COL11A1: variants seen among roughly 807,000 people sequenced by gnomAD.
COL11A1 encodes collagen alpha-1(XI) chain.
COL11A1 carries 74 observed loss-of-function variants against 265.2 expected under a neutral mutation model. The ratio of observed to expected loss-of-function variants is 0.28; its 90% CI spans 0.23 to 0.34. The LOEUF (loss-of-function observed/expected upper bound fraction) is 0.34. Among genes scored for constraint, COL11A1 ranks in the 10% least tolerant of loss-of-function variants. The pLI, the probability that COL11A1 is intolerant of heterozygous loss-of-function variation, is 1.00. For missense variants in COL11A1, 2,165 were observed against 2,263.6 expected (o/e 0.96, Z 0.88); for synonymous variants, 816 against 727.6 (o/e 1.12, Z -1.96).
intron 1 of COL11A1, among the ~76,000 whole-genome samples, chr1:103,099,162 A>G (rs116386764): frequency 2.4e-3 from 367 of 151,876 alleles, no homozygotes; most frequent in African/African-American, 8.6e-3. Flanking sequence ...AATCAGATAA[A>G]CATACCTATA....
intron 39 of COL11A1, 75 bp downstream of exon 39, chr1:102,962,578 G>A: frequency 7.9e-7 from 1 of 1,257,884 alleles, no homozygotes. Flanking sequence ...AATGGAATCT[G>A]TAGACAAGGG....
chr1:102,969,827 C>A (rs917908581), intron 37 of COL11A1, among the ~76,000 whole-genome samples: 2 of 152,036 alleles, frequency 1.3e-5, no homozygotes, highest in African/African-American at 2.4e-5. Context: ...ATGATCATGG[C>A]TATTCGTAAT....
intron 20 of COL11A1, 127 bp from the exon 21 acceptor site, chr1:103,003,395 A>G: frequency 1.0e-6 from 1 of 988,754 alleles, no homozygotes; most frequent in Non-Finnish European, 1.5e-6. Flanking sequence ...TTATTAACAC[A>G]CTGAAAGTGA....
intron 4 of COL11A1, among the ~76,000 whole-genome samples, chr1:103,062,716 T>C (rs987899452): frequency 8.5e-5 from 13 of 152,132 alleles, no homozygotes; most frequent in African/African-American, 3.1e-4. Context: ...TCTGTTAATA[T>C]TGCATTTCTA....
chr1:103,048,990 A>C (rs1275569649), intron 4 of COL11A1, among the ~76,000 whole-genome samples: 1 of 152,080 alleles, frequency 6.6e-6, no homozygotes, highest in Non-Finnish European at 1.5e-5. Flanking sequence ...CTGTTCTTTT[A>C]CATTTGCTGA....
chr1:103,008,928 C>T (rs1326074262), intron 14 of COL11A1, among the ~76,000 whole-genome samples: 1 of 152,120 alleles, frequency 6.6e-6, no homozygotes, highest in Non-Finnish European at 1.5e-5. Context: ...AAGGACTTGA[C>T]AAAATGTTAC....
At chr1:102,978,572 A>C in intron 35 of COL11A1, 136 bp downstream of exon 35, 1 of 915,588 alleles carries the variant, frequency 1.1e-6, no homozygotes, top group Non-Finnish European at 1.7e-6. Flanking sequence ...TTAAAAAATA[A>C]GCGTTTTTAA....
At chr1:103,050,409 T>C (rs969010259) in intron 4 of COL11A1, among the ~76,000 whole-genome samples, 3 of 152,266 alleles carry the variant, frequency 2.0e-5, no homozygotes, top group Non-Finnish European at 2.9e-5. Flanking sequence ...CTGAGGATTC[T>C]GCATTCATCA....
At chr1:103,003,093 A>G (rs1048555268) in intron 21 of COL11A1, 122 bp downstream of exon 21, 1 of 976,058 alleles carries the variant, frequency 1.0e-6, no homozygotes, top group Non-Finnish European at 1.6e-6. Flanking sequence ...GGCAGCAACA[A>G]TAGATCTTCA....
chr1:102,957,378 G>T (rs1232848620), intron 41 of COL11A1, among the ~76,000 whole-genome samples: 1 of 151,998 alleles, frequency 6.6e-6, no homozygotes, highest in Non-Finnish European at 1.5e-5. Flanking sequence ...GAGCAATAAG[G>T]TTAGCTGATT....
chr1:103,030,716 C>T (rs1298274116), intron 5 of COL11A1, among the ~76,000 whole-genome samples: 1 of 152,064 alleles, frequency 6.6e-6, no homozygotes, highest in Non-Finnish European at 1.5e-5. Context: ...ATGTCACTTT[C>T]TCATTTGTAT....
chr1:102,923,062 A>G (rs887790898), intron 47 of COL11A1, among the ~76,000 whole-genome samples: 1 of 152,248 alleles, frequency 6.6e-6, no homozygotes, highest in Non-Finnish European at 1.5e-5. Flanking sequence ...TAATTAAGAC[A>G]GAATTATTAA....
rs191381227 is a variant in COL11A1, at chr1:103,082,709, C to T, written c.274+96G>A. On this transcript the variant is annotated intron_variant, in intron 2 of 66. Transcript: ENST00000370096. ...CACATTATCTAACCTGATAAAAATA[C>T]TAATTAGTAAAGAAATACTAAAAGT... is the stretch of plus-strand genomic sequence containing the variant. 63 of 1,073,340 alleles carry T rather than the reference C, an allele frequency of 5.9e-5. No individual in the cohort carries two copies. The East Asian group carries it at 1.5e-3, about 26-fold the overall frequency. The allele number at this position is 1,073,340 out of a possible 1,614,324, so 66.5% of individuals were successfully genotyped here.
intron 7 of COL11A1, among the ~76,000 whole-genome samples, chr1:103,024,351 T>C (rs1180088136): frequency 6.6e-6 from 1 of 152,184 alleles, no homozygotes; most frequent in Non-Finnish European, 1.5e-5. Context: ...AGGCTTATCT[T>C]GCCAATTTGT....
At chr1:102,907,500 C>G (rs1459386485) in intron 54 of COL11A1, among the ~76,000 whole-genome samples, 1 of 151,990 alleles carries the variant, frequency 6.6e-6, no homozygotes, top group African/African-American at 2.4e-5. Context: ...TTGCAACCCA[C>G]TTTTTTTCCA....
intron 66 of COL11A1, among the ~76,000 whole-genome samples, chr1:102,879,091 T>C (rs976015250): frequency 8.5e-5 from 13 of 152,142 alleles, no homozygotes; most frequent in Admixed American, 1.3e-4. Context: ...TTTACAATTG[T>C]GACTTCTCTT....
At chr1:103,073,136 A>C (rs1278485645) in intron 4 of COL11A1, among the ~76,000 whole-genome samples, 2 of 151,778 alleles carry the variant, frequency 1.3e-5, no homozygotes, top group Non-Finnish European at 3.0e-5. Context: ...TTTCAACATT[A>C]CTTTTCTTAA....
At chr1:102,946,987 T>C (rs773986853) in intron 41 of COL11A1, 31 bp from the exon 42 acceptor site, 7 of 1,534,836 alleles carry the variant, frequency 4.6e-6, no homozygotes, top group African/African-American at 1.4e-5. Flanking sequence ...TATTTTGTTA[T>C]TAAAGAAAGT....
intron 1 of COL11A1, among the ~76,000 whole-genome samples, chr1:103,086,362 G>A (rs11164665): frequency 0.51 from 77,337 of 151,976 alleles, 22,355 homozygotes; most frequent in East Asian, 0.92. Flanking sequence ...CAATTGGGCA[G>A]AGGTAAATAA....
Sources: allele counts gnomAD v4.1 joint callset (sites outside exome capture counted in the v4.1 genomes callset), GRCh38; gene constraint gnomAD v4.1.1; transcripts MANE v1.5; gene names NCBI Gene and HGNC (gene_info 2026-07-23, HGNC 2026-07-21).